The following FRY variants were observed in gnomAD, a reference collection of about 807,000 sequenced individuals.
FRY encodes FRY microtubule binding protein, also known as protein furry homolog.
In FRY, 128 loss-of-function variants were observed where a neutral mutation model predicts 348.4. The ratio of observed to expected loss-of-function variants is 0.37; its 90% CI spans 0.32 to 0.43. The LOEUF (loss-of-function observed/expected upper bound fraction) is 0.43, where lower values mean the gene tolerates loss of function less well. FRY is among the 20% of genes least tolerant of loss of function. The pLI, the probability that FRY is intolerant of heterozygous loss-of-function variation, is 1.00. For missense variants in FRY, 2,736 were observed against 3,695.2 expected, an observed-to-expected ratio of 0.74 and a Z score of 6.73; for synonymous variants, 1,370 against 1,374.7, an observed-to-expected ratio of 1.00 and a Z score of 0.08.
chr13:32,249,541 A>C lies in FRY; in HGVS notation c.7024A>C (p.Arg2342=). ...TCTTCTCAAGACTCCAATCATCGGG[A>C]GGCGGTATGATGAGCTGCAGAATTC... ...FDISETPIIG[R]RYDELQNSSG... The change falls in exon 49 of 61, where the codon AGG becomes CGG. Residue 2342 remains arginine, a synonymous_variant. Coordinates refer to ENST00000542859, the MANE Select transcript of FRY (RefSeq NM_023037.3). 1 of 1,614,170 alleles carries C rather than the reference A, an allele frequency of 6.2e-7. No homozygotes were observed. The highest frequency in any genetic ancestry group is 8.5e-7 in the Non-Finnish European group (1 of 1,180,024).
At position 32,103,508 on chromosome 13, in the gene FRY, G is replaced by A. The variant is rs189167097; in HGVS notation, c.324+1492G>A. 2.7e-4 allele frequency among the ~76,000 whole-genome samples: 41 copies of A among 152,278 alleles called. No individual in the cohort carries two copies. In the East Asian group the frequency reaches 5.4e-3, roughly 20 times the overall value. On this transcript the variant is annotated intron_variant, in intron 3 of 60. Coordinates refer to ENST00000542859, the MANE Select transcript of FRY (RefSeq NM_023037.3). The stretch of plus-strand genomic sequence containing the variant: ...ACATCACACACCAGGGCCTGTCGTC[G>A]GGTGGAGGGAAGCGGGAGGGATAGC...
chr13:32,275,511 T>C (rs1888493159), intron 56 of FRY, among the ~76,000 whole-genome samples: 1 of 152,248 alleles, frequency 6.6e-6, no homozygotes, highest in African/African-American at 2.4e-5. Flanking sequence ...GGCTATTTCA[T>C]AGAATAAGGA....
chr13:32,133,002 G>C (rs576604998), intron 8 of FRY, among the ~76,000 whole-genome samples: 1 of 152,282 alleles, frequency 6.6e-6, no homozygotes, highest in South Asian at 2.1e-4. Context: ...CATAGAGACA[G>C]AAAGTAGACT....
In FRY at chr13:32,208,874, C is replaced by T. The variant is rs1884510531; in HGVS notation, c.4040C>T (p.Thr1347Ile). The stretch of plus-strand genomic sequence containing the variant: ...TTAGAGGTAAGCCAGCGATTCCCCA[C>T]AACACACCCCAACGGGCGCCAGATC... ...LFSEVSQRFP[T>I]THPNGRQIML... Residue 1347 changes from threonine to isoleucine, a missense_variant, in exon 32 of 61, where the codon ACA (threonine) becomes ATA (isoleucine). Coordinates refer to ENST00000542859, the MANE Select transcript of FRY (RefSeq NM_023037.3). The T allele has an allele frequency of 6.2e-7, 1 of 1,614,026 alleles. No homozygotes were observed. Among genetic ancestry groups the T allele is most frequent in the Admixed American group, 1.7e-5 (1 of 60,002 alleles).
At chr13:32,230,207 C>A (rs1321612144) in intron 40 of FRY, among the ~76,000 whole-genome samples, 1 of 152,110 alleles carries the variant, frequency 6.6e-6, no homozygotes, top group Admixed American at 6.6e-5. Flanking sequence ...TTTTCCTGAT[C>A]CTCTCTCTCT....
Position 32,231,167 on chromosome 13 carries a change from G to T in FRY, c.5406-12G>T. 6.2e-7 allele frequency: 1 copy of T among 1,612,640 alleles called. No individual in the cohort carries two copies. On this transcript the variant is annotated splice_polypyrimidine_tract_variant and intron_variant, in intron 40 of 60. Transcript: ENST00000542859. Reference sequence around the variant, plus strand: ...CAGTTATATTTTTGACATTTTGTGTGTTTTGTTTAAGGGCATTTGGTCCAC... The same window carrying T: ...CAGTTATATTTTTGACATTTTGTGTTTTTTGTTTAAGGGCATTTGGTCCAC...
chr13:32,217,361 C>A (rs1163402032), intron 35 of FRY, among the ~76,000 whole-genome samples: 1 of 152,074 alleles, frequency 6.6e-6, no homozygotes, highest in Non-Finnish European at 1.5e-5. Context: ...CTTGCCCTAC[C>A]TTGTAGTCCT....
In FRY at chr13:32,209,712, A is replaced by G; in HGVS notation, c.4403A>G (p.Asp1468Gly). The change falls in exon 33 of 61, where the codon GAC (aspartate) becomes GGC (glycine). Residue 1468 changes from aspartate (D) to glycine (G), a missense_variant. Asp to Gly is a moderately conservative substitution (Grantham distance 94). This residue lies in a region of FRY where 794 missense variants were observed against 977.0 expected (regional missense o/e 0.81). Transcript: ENST00000542859. ...ATTAGCCTCTGTGGGGTCAGCAGCG[A>G]CACAGTTCTCCTACCCTATGTAAGT... is the stretch of plus-strand genomic sequence containing the variant. ...FLISLCGVSSDTVLLPYIKKV... is the reference protein window; with the variant it reads ...FLISLCGVSSGTVLLPYIKKV... The G allele has an allele frequency of 6.2e-7, 1 of 1,614,166 alleles. No homozygotes were observed. The highest frequency in any genetic ancestry group is 1.1e-5 in the South Asian group (1 of 91,088).
intron 28 of FRY, among the ~76,000 whole-genome samples, chr13:32,189,689 G>T (rs781212178): frequency 3.3e-5 from 5 of 151,952 alleles, no homozygotes; most frequent in Non-Finnish European, 7.4e-5. Flanking sequence ...AGATGGCTTT[G>T]CTGATGAATT....
intron 35 of FRY, among the ~76,000 whole-genome samples, chr13:32,213,113 A>C (rs1593749624): frequency 6.6e-6 from 1 of 152,200 alleles, no homozygotes; most frequent in Non-Finnish European, 1.5e-5. Context: ...TTACTTAAGA[A>C]ATTAGTAAAA....
intron 58 of FRY, among the ~76,000 whole-genome samples, chr13:32,286,115 CT>C (rs1159235422): frequency 5.9e-5 from 9 of 152,080 alleles, no homozygotes; most frequent in Non-Finnish European, 1.2e-4. Flanking sequence ...TAGGGTAGGG[CT>C]TGTTGGTGGC....
intron 51 of FRY, among the ~76,000 whole-genome samples, chr13:32,260,811 A>T (rs572134658): frequency 2.7e-5 from 4 of 150,056 alleles, no homozygotes; most frequent in Non-Finnish European, 4.4e-5. Context: ...CAACAGCAAG[A>T]CTCTGTCTCA....
chr13:32,044,956 T>C (rs559120071), intron 1 of FRY, among the ~76,000 whole-genome samples: 1 of 152,202 alleles, frequency 6.6e-6, no homozygotes, highest in African/African-American at 2.4e-5. Flanking sequence ...CAGTAAAATA[T>C]GACCAGTAAT....
chr13:32,234,985 C>T (rs2138446212), intron 42 of FRY, among the ~76,000 whole-genome samples: 1 of 152,290 alleles, frequency 6.6e-6, no homozygotes, highest in East Asian at 1.9e-4. Flanking sequence ...TATAAGCCAA[C>T]AACTGGAAAT....
At chr13:32,096,944 T>TTA (rs35657403) in intron 2 of FRY, among the ~76,000 whole-genome samples, 96,727 of 151,000 alleles carry the variant, frequency 0.64, 31,259 homozygotes, top group Middle Eastern at 0.69. Flanking sequence ...TAGCAACAAC[T>TTA]TATATATATA....
At chr13:32,232,813 C>A (rs1885992347) in intron 41 of FRY, among the ~76,000 whole-genome samples, 1 of 152,170 alleles carries the variant, frequency 6.6e-6, no homozygotes, top group Non-Finnish European at 1.5e-5. Flanking sequence ...AAAAAGAAAC[C>A]TTTTCCTTTT....
chr13:32,149,688 C>G (rs562419818), intron 13 of FRY, 60 bp from the exon 14 acceptor site: 43 of 980,302 alleles, frequency 4.4e-5, no homozygotes, highest in Non-Finnish European at 6.9e-5. Flanking sequence ...ATGAAAATAG[C>G]CATTTTCTGT....
At chr13:32,060,881 C>G in intron 1 of FRY, 1 of 350,998 alleles carries the variant, frequency 2.8e-6, no homozygotes, top group South Asian at 2.2e-5. Flanking sequence ...AACAGTCTGC[C>G]CTGGACGGAA....
intron 36 of FRY, among the ~76,000 whole-genome samples, chr13:32,219,894 G>A (rs900273870): frequency 6.6e-6 from 1 of 152,106 alleles, no homozygotes. Flanking sequence ...TGCTAACCTG[G>A]GAGTTAGCTT....
Sources: gnomAD v4.1 joint callset for allele counts (sites outside exome capture counted in the v4.1 genomes callset) on GRCh38, gnomAD v4.1.1 for gene constraint, gnomAD v4.1.1 regional missense constraint, MANE v1.5 for transcripts, NCBI Gene and HGNC (gene_info 2026-07-23, HGNC 2026-07-21) for gene names.